Variants in SNU13 observed in about 807,000 individuals in gnomAD.
SNU13 encodes the protein small nuclear ribonucleoprotein 13, also known as NHP2-like protein 1.
A neutral mutation model predicts 12.4 loss-of-function variants in SNU13; 2 were observed. That is an observed-to-expected ratio of 0.16 (90% CI 0.07 to 0.51). The LOEUF (loss-of-function observed/expected upper bound fraction) is 0.51, where lower values mean the gene tolerates loss of function less well. Ranked by LOEUF, SNU13 falls within the 20% of genes least tolerant of loss-of-function variation. The pLI, the probability that SNU13 is intolerant of heterozygous loss-of-function variation, is 0.96. For missense variants in SNU13, 66 were observed against 157.8 expected, an observed-to-expected ratio of 0.42 and a Z score of 3.12; for synonymous variants, 68 against 66.5, an observed-to-expected ratio of 1.02 and a Z score of -0.11.
In SNU13 at chr22:41,675,192, G is replaced by T. The variant is rs890032162; in HGVS notation, c.128C>A (p.Thr43Asn). Residue 43 changes from threonine (T) to asparagine (N), a missense_variant, in exon 3 of 3, where the codon ACC becomes AAC. Physicochemically the swap from Thr to Asn is moderately conservative, Grantham distance 65 (BLOSUM62 0). Coordinates refer to ENST00000401959, the MANE Select transcript of SNU13 (RefSeq NM_001003796.2). ...KQLRKGANEA[T>N]KTLNRGISEF... ...AGAGATGCCCCTGTTGAGGGTTTTG[G>T]TGGCTGCGGAGAGAAGGACGTGAAG... The T allele has an allele frequency of 1.2e-6, 2 of 1,612,880 alleles. No homozygotes were observed. Among genetic ancestry groups the T allele is most frequent in the Non-Finnish European group, 1.7e-6 (2 of 1,179,892 alleles).
intron 1 of SNU13, among the ~76,000 whole-genome samples, chr22:41,683,329 G>C (rs1044082429): frequency 3.3e-5 from 5 of 151,958 alleles, no homozygotes; most frequent in African/African-American, 4.8e-5. Flanking sequence ...TTCTGAGGGG[G>C]ACTTTCCTGG....
At chr22:41,678,349 A>G (rs1389336502) in intron 2 of SNU13, among the ~76,000 whole-genome samples, 2 of 152,140 alleles carry the variant, frequency 1.3e-5, no homozygotes, top group Non-Finnish European at 2.9e-5. Context: ...AAGAAGGCAG[A>G]GACTTCATTT....
chr22:41,682,153 G>A (rs545967152), intron 1 of SNU13, among the ~76,000 whole-genome samples: 2 of 152,158 alleles, frequency 1.3e-5, no homozygotes, highest in South Asian at 4.2e-4. Context: ...ACATAGGGTG[G>A]ACGGCAGTCG....
In SNU13 at chr22:41,674,867, A is replaced by C. The variant is rs2068196751; in HGVS notation, c.*66T>G. The C allele has an allele frequency of 6.4e-7, 1 of 1,570,222 alleles. No individual in the cohort carries two copies. The highest frequency in any genetic ancestry group is 8.7e-7 in the Non-Finnish European group (1 of 1,153,606). On this transcript the variant is annotated 3_prime_UTR_variant, in exon 3 of 3. Coordinates refer to ENST00000401959, the MANE Select transcript of SNU13 (RefSeq NM_001003796.2). Reference sequence around the variant, plus strand: ...GTAGCTGAAAATACTACATGCTAACACAGATAATATGATACACAACCTCAG... The same window carrying C: ...GTAGCTGAAAATACTACATGCTAACCCAGATAATATGATACACAACCTCAG...
At chr22:41,680,726 G>C (rs1268573135) in intron 1 of SNU13, among the ~76,000 whole-genome samples, 2 of 152,162 alleles carry the variant, frequency 1.3e-5, no homozygotes, top group Non-Finnish European at 2.9e-5. Context: ...ATGGAGTCTT[G>C]CTCTGTTGCC....
Position 41,674,748 on chromosome 22 carries a change from G to T in SNU13, c.*185C>A. ...GATGAAGGATGGCAGAGGGAGGGAG[G>T]AAAGGAAGGGGGATAGCAACCCTGT... is the stretch of plus-strand genomic sequence containing the variant. On this transcript the variant is annotated 3_prime_UTR_variant, in exon 3 of 3. Transcript: ENST00000401959. The T allele has an allele frequency of 1.3e-6, 1 of 745,954 alleles. No individual in the cohort carries two copies. Among genetic ancestry groups the T allele is most frequent in the Non-Finnish European group, 2.1e-6 (1 of 473,134 alleles). The allele number at this position is 745,954 out of a possible 1,614,324, so 46.2% of individuals were successfully genotyped here.
At chr22:41,689,629 G>A (rs893223136), upstream of SNU13, among the ~76,000 whole-genome samples, 1 of 150,242 alleles carries the variant, frequency 6.7e-6, no homozygotes, top group African/African-American at 2.5e-5. Context: ...TCGCACCACT[G>A]CACACTGCAC....
intron 1 of SNU13, among the ~76,000 whole-genome samples, chr22:41,681,869 C>T (rs1014073092): frequency 1.3e-5 from 2 of 152,046 alleles, no homozygotes; most frequent in African/African-American, 4.8e-5. Flanking sequence ...AGCGAGACTC[C>T]GTCTCAATAA....
upstream of SNU13, among the ~76,000 whole-genome samples, chr22:41,690,244 T>C (rs183190673): frequency 6.6e-6 from 1 of 152,150 alleles, no homozygotes; most frequent in African/African-American, 2.4e-5. Flanking sequence ...CAGTGTTCAT[T>C]AAATGTTTGA....
rs775327768 is a variant in SNU13, at chr22:41,675,212, G to A, written c.125-17C>T. 9.3e-6 allele frequency: 15 copies of A among 1,610,056 alleles called. No homozygotes were observed. The highest frequency in any genetic ancestry group is 1.7e-4 in the Middle Eastern group (1 of 6,048). ...TTTTGGTGGCTGCGGAGAGAAGGAC[G>A]TGAAGCTAATAGGTGATGTGGGCTT... On this transcript the variant is annotated splice_polypyrimidine_tract_variant and intron_variant, in intron 2 of 2. Coordinates refer to ENST00000401959, the MANE Select transcript of SNU13 (RefSeq NM_001003796.2).
At chr22:41,689,872 G>C (rs2068346404), upstream of SNU13, among the ~76,000 whole-genome samples, 1 of 151,982 alleles carries the variant, frequency 6.6e-6, no homozygotes, top group African/African-American at 2.4e-5. Flanking sequence ...CAGCTACTCG[G>C]GAGGTTGAGG....
chr22:41,680,697 TTC>T (rs1482367074), intron 1 of SNU13, among the ~76,000 whole-genome samples: 3 of 152,146 alleles, frequency 2.0e-5, no homozygotes, highest in Non-Finnish European at 4.4e-5. Flanking sequence ...GCTAATCCAT[TTC>T]TGTTTTTATT....
At chr22:41,688,282 G>T (rs1157864979) in intron 1 of SNU13, 1 of 152,834 alleles carries the variant, frequency 6.5e-6, no homozygotes, top group African/African-American at 2.4e-5. Context: ...CCTGGCGCGT[G>T]TGACTCGCGG....
intron 1 of SNU13, chr22:41,688,432 G>GA (rs951912814): frequency 0.012 from 2,743 of 234,046 alleles, 5 homozygotes; most frequent in Middle Eastern, 0.019. Context: ...AAGAAACAAG[G>GA]AAAAAAAAAA....
chr22:41,686,423 G>A (rs1417843720), intron 1 of SNU13, among the ~76,000 whole-genome samples: 2 of 151,098 alleles, frequency 1.3e-5, no homozygotes, highest in African/African-American at 2.4e-5. Flanking sequence ...TCCTGCCTCA[G>A]CCTCCCGAGT....
intron 2 of SNU13, among the ~76,000 whole-genome samples, chr22:41,677,499 C>A (rs1024714780): frequency 6.6e-6 from 1 of 152,054 alleles, no homozygotes; most frequent in Non-Finnish European, 1.5e-5. Flanking sequence ...GCACTCCAGC[C>A]TGGGCTGCAG....
chr22:41,685,677 T>A (rs1409076322), intron 1 of SNU13, among the ~76,000 whole-genome samples: 1 of 150,452 alleles, frequency 6.6e-6, no homozygotes, highest in Non-Finnish European at 1.5e-5. Context: ...AAAAAAAAAA[T>A]TGTTTAGGCT....
At chr22:41,686,560 A>G (rs1475702494) in intron 1 of SNU13, among the ~76,000 whole-genome samples, 1 of 151,538 alleles carries the variant, frequency 6.6e-6, no homozygotes, top group East Asian at 1.9e-4. Flanking sequence ...TCGGCCTCCC[A>G]AAGTGCTGGG....
chr22:41,677,442 C>T (rs922923995), intron 2 of SNU13, among the ~76,000 whole-genome samples: 1 of 152,052 alleles, frequency 6.6e-6, no homozygotes, highest in African/African-American at 2.4e-5. Flanking sequence ...GGAGGATCAC[C>T]TAAGCCCAGG....
Sources: gnomAD v4.1 joint callset for allele counts (sites outside exome capture counted in the v4.1 genomes callset) on GRCh38, gnomAD v4.1.1 for gene constraint, MANE v1.5 for transcripts, NCBI Gene and HGNC (gene_info 2026-07-23, HGNC 2026-07-21) for gene names.